The following STS variants were observed in gnomAD, a reference collection of about 807,000 sequenced individuals.
STS encodes steroid sulfatase.
Under a neutral mutation model 26.8 loss-of-function variants are expected in STS, and 7 were observed. The ratio of observed to expected loss-of-function variants is 0.26; its 90% CI spans 0.15 to 0.49. STS has a LOEUF of 0.49. STS is among the 20% of genes least tolerant of loss of function. STS has a pLI of 0.98. For missense variants in STS, 434 were observed against 465.6 expected (o/e 0.93, Z 0.63); for synonymous variants, 199 against 189.4 (o/e 1.05, Z -0.42).
chrX:7,324,715 G>C (rs955176377), intron 8 of STS, among the ~76,000 whole-genome samples: 1 of 111,374 alleles, frequency 9.0e-6, no homozygotes, highest in Non-Finnish European at 1.9e-5. Context: ...TTCCATCATG[G>C]ACTGAACTAG....
rs373389965 is a variant in STS, at chrX:7,276,042, C to T, written c.898C>T (p.His300Tyr). 1 of 1,198,317 alleles carries T rather than the reference C, an allele frequency of 8.3e-7. No homozygotes were observed. The highest frequency in any genetic ancestry group is 1.1e-6 in the Non-Finnish European group (1 of 890,190). ...SSKDFAGKSQ[H>Y]GVYGDAVEEM... ...CAAAGACTTTGCTGGCAAAAGTCAA[C>T]ACGGAGTCTACGGGGATGCTGTTGA... The change falls in exon 7 of 11, where the codon CAC becomes TAC. Residue 300 changes from histidine (H) to tyrosine (Y), a missense_variant. His to Tyr is a moderately conservative substitution (Grantham distance 83, BLOSUM62 2). Transcript: ENST00000674429.
At chrX:7,265,124 G>A (rs370908589) in intron 6 of STS, among the ~76,000 whole-genome samples, 165 of 108,257 alleles carry the variant, frequency 1.5e-3, no homozygotes, top group African/African-American at 5.3e-3. Context: ...CTTACCTAGT[G>A]TGTGAGCTTT....
intron 1 of STS, among the ~76,000 whole-genome samples, chrX:7,151,877 T>G (rs1210494898): frequency 8.9e-6 from 1 of 111,880 alleles, no homozygotes; most frequent in Admixed American, 9.4e-5. Context: ...TCTAGACCAT[T>G]GACCCCCTCC....
intron 2 of STS, among the ~76,000 whole-genome samples, chrX:7,208,917 G>C (rs1394327113): frequency 2.7e-5 from 3 of 110,960 alleles, no homozygotes; most frequent in Admixed American, 1.9e-4. Flanking sequence ...CGGGCTGCTG[G>C]GCCCTTCCTC....
At chrX:7,241,377 G>A (rs1922612029) in intron 2 of STS, among the ~76,000 whole-genome samples, 1 of 111,732 alleles carries the variant, frequency 8.9e-6, no homozygotes, top group Non-Finnish European at 1.9e-5. Context: ...TATAGAGCCT[G>A]AATTTTGCTC....
At position 7,305,203 on chromosome X, in the gene STS, A is replaced by G; in HGVS notation, c.1081+20A>G. On this transcript the variant is annotated intron_variant, in intron 8 of 10. Transcript: ENST00000674429. ...ATAAAGGTGAGAAATGCTGGGATGG[A>G]GAAGCTCTGGCCTCTCAGCTCATCC... 1 of 1,208,866 alleles carries G rather than the reference A, an allele frequency of 8.3e-7. No homozygotes were observed. The highest frequency in any genetic ancestry group is 1.1e-6 in the Non-Finnish European group (1 of 893,497).
At chrX:7,294,168 G>A (rs139334900) in intron 7 of STS, among the ~76,000 whole-genome samples, 2,729 of 111,141 alleles carry the variant, frequency 0.025, 50 homozygotes, top group African/African-American at 0.054. Context: ...ATGTTACCAT[G>A]TTTAAACATC....
chrX:7,308,482 G>A (rs753158333), intron 8 of STS, among the ~76,000 whole-genome samples: 1 of 111,659 alleles, frequency 9.0e-6, no homozygotes, highest in East Asian at 2.8e-4. Context: ...TGCACAGATA[G>A]TTCACCAGGG....
chrX:7,199,731 A>G (rs1263239008), intron 2 of STS, among the ~76,000 whole-genome samples: 1 of 111,456 alleles, frequency 9.0e-6, no homozygotes, highest in Non-Finnish European at 1.9e-5. Context: ...CCAATATAAT[A>G]TACATTTACA....
intron 2 of STS, among the ~76,000 whole-genome samples, chrX:7,214,562 A>G (rs756128723): frequency 5.4e-5 from 6 of 111,531 alleles, no homozygotes; most frequent in Non-Finnish European, 9.4e-5. Context: ...TTTTATTTCA[A>G]TAGGTTTTTG....
chrX:7,263,514 G>A (rs1923854176), intron 6 of STS, among the ~76,000 whole-genome samples: 1 of 112,614 alleles, frequency 8.9e-6, no homozygotes, highest in South Asian at 3.6e-4. Context: ...GGAGTAATAG[G>A]CTTTACCATA....
chrX:7,152,254 G>A (rs1461446899), intron 1 of STS, among the ~76,000 whole-genome samples: 2 of 111,796 alleles, frequency 1.8e-5, no homozygotes, highest in East Asian at 5.6e-4. Context: ...GCCCGGCCAG[G>A]ATTATTATTT....
chrX:7,342,756 C>T (rs1928351520), intron 10 of STS, among the ~76,000 whole-genome samples: 1 of 112,301 alleles, frequency 8.9e-6, no homozygotes, highest in African/African-American at 3.2e-5. Flanking sequence ...GAGCTTGGGG[C>T]CAAGATGCTT....
At chrX:7,323,346 C>T (rs1299184899) in intron 8 of STS, among the ~76,000 whole-genome samples, 8 of 110,167 alleles carry the variant, frequency 7.3e-5, no homozygotes, top group African/African-American at 2.6e-4. Context: ...GAACATAGTA[C>T]CTGATAGTTT....
At chrX:7,291,454 C>A (rs182101441) in intron 7 of STS, among the ~76,000 whole-genome samples, 4 of 112,173 alleles carry the variant, frequency 3.6e-5, no homozygotes, top group South Asian at 7.4e-4. Flanking sequence ...CATATACTTT[C>A]GTATATTACT....
At chrX:7,235,383 G>C (rs1361081868) in intron 2 of STS, among the ~76,000 whole-genome samples, 1 of 112,226 alleles carries the variant, frequency 8.9e-6, no homozygotes, top group Non-Finnish European at 1.9e-5. Flanking sequence ...CAGGGATGAG[G>C]AGCTTACACC....
Position 7,148,344 on chromosome X carries a change from C to T in STS, c.-134+261C>T, listed in dbSNP as rs373632731. ...CTGTAGCTGCAGACCCGGGATGCGG[C>T]GCGGGCCGGCGCTGTATGTTTACCC... is the stretch of plus-strand genomic sequence containing the variant. On this transcript the variant is annotated intron_variant, in intron 1 of 10. Transcript: ENST00000674429. Among the ~76,000 whole-genome samples the T allele has an allele frequency of 2.5e-3, 280 of 112,570 alleles. 2 individuals carry two copies. Among genetic ancestry groups the T allele is most frequent in the African/African-American group, 8.7e-3 (269 of 31,087 alleles).
chrX:7,272,105 C>T (rs1325550170), intron 6 of STS, among the ~76,000 whole-genome samples: 4 of 109,376 alleles, frequency 3.7e-5, no homozygotes, highest in African/African-American at 1.3e-4. Flanking sequence ...TTTATTGTTT[C>T]CAGAAAAACT....
intron 2 of STS, among the ~76,000 whole-genome samples, chrX:7,210,421 A>T (rs1920995349): frequency 9.2e-6 from 1 of 108,976 alleles, no homozygotes; most frequent in Admixed American, 9.9e-5. Flanking sequence ...ACACGTATTC[A>T]TAGAAATATA....
Sources: gnomAD v4.1 joint callset for allele counts (sites outside exome capture counted in the v4.1 genomes callset) on GRCh38, gnomAD v4.1.1 for gene constraint, MANE v1.5 for transcripts, NCBI Gene and HGNC (gene_info 2026-07-23, HGNC 2026-07-21) for gene names.